The following CDH18 variants were observed in gnomAD, a reference collection of about 807,000 sequenced individuals.
CDH18 encodes the protein cadherin 18.
CDH18 carries 31 observed loss-of-function variants against 67.9 expected under a neutral mutation model. That is an observed-to-expected ratio of 0.46 (90% CI 0.34 to 0.62). The LOEUF is 0.62. Ranked by LOEUF, CDH18 falls within the 20% of genes least tolerant of loss-of-function variation. The probability of loss-of-function intolerance (pLI) is 0.01; values close to 1 mark genes in which losing one functional copy is unlikely to be tolerated. For synonymous variants in CDH18, 362 were observed against 347.2 expected, an observed-to-expected ratio of 1.04 and a Z score of -0.48; for missense variants, 890 against 975.5, an observed-to-expected ratio of 0.91 and a Z score of 1.17.
intron 1 of CDH18, among the ~76,000 whole-genome samples, chr5:20,336,537 G>A (rs1368543731): frequency 3.3e-5 from 5 of 151,706 alleles, no homozygotes; most frequent in Non-Finnish European, 5.9e-5. Context: ...CCTGGCTAAT[G>A]TGTTGAAACC....
intron 2 of CDH18, among the ~76,000 whole-genome samples, chr5:20,156,732 A>G (rs754006188): frequency 4.6e-5 from 7 of 152,118 alleles, no homozygotes; most frequent in Non-Finnish European, 8.8e-5. Context: ...GAACAACAAA[A>G]GGAGGGAGGA....
intron 1 of CDH18, among the ~76,000 whole-genome samples, chr5:20,318,273 A>C (rs1737654595): frequency 6.6e-6 from 1 of 152,150 alleles, no homozygotes; most frequent in East Asian, 1.9e-4. Flanking sequence ...TACTCTACCA[A>C]AGTGGGAGTT....
intron 1 of CDH18, among the ~76,000 whole-genome samples, chr5:20,413,395 C>T (rs903225698): frequency 2.0e-5 from 3 of 152,172 alleles, no homozygotes; most frequent in Non-Finnish European, 4.4e-5. Context: ...ACACTGTCTT[C>T]CACAATGGTT....
At chr5:19,550,370 G>A (rs780480726) in intron 8 of CDH18, among the ~76,000 whole-genome samples, 4 of 151,806 alleles carry the variant, frequency 2.6e-5, no homozygotes, top group Non-Finnish European at 4.4e-5. Flanking sequence ...CCATTAACTC[G>A]TCATTTAGCA....
intron 1 of CDH18, among the ~76,000 whole-genome samples, chr5:20,475,142 G>T (rs1263994296): frequency 1.3e-5 from 2 of 152,010 alleles, no homozygotes; most frequent in Non-Finnish European, 2.9e-5. Flanking sequence ...AATTCAGTAT[G>T]ACTGCACATT....
At chr5:19,780,567 A>C (rs2149780233) in intron 3 of CDH18, among the ~76,000 whole-genome samples, 1 of 152,258 alleles carries the variant, frequency 6.6e-6, no homozygotes, top group African/African-American at 2.4e-5. Context: ...CTGCTTCTAG[A>C]CACTTTTGTT....
At chr5:20,202,033 T>C (rs1282451114) in intron 2 of CDH18, among the ~76,000 whole-genome samples, 3 of 152,120 alleles carry the variant, frequency 2.0e-5, no homozygotes, top group South Asian at 2.1e-4. Flanking sequence ...TCTCAGAGCA[T>C]TGGGTATTAA....
chr5:20,141,421 G>A (rs1170292011), intron 2 of CDH18, among the ~76,000 whole-genome samples: 4 of 152,086 alleles, frequency 2.6e-5, no homozygotes, highest in African/African-American at 4.8e-5. Flanking sequence ...GATATGAACT[G>A]CTGTATGAAA....
intron 2 of CDH18, among the ~76,000 whole-genome samples, chr5:20,163,110 T>C (rs1437182634): frequency 1.3e-5 from 2 of 152,012 alleles, no homozygotes; most frequent in Non-Finnish European, 2.9e-5. Flanking sequence ...AGAGCCTTTA[T>C]TTAGAATCAA....
chr5:20,502,623 A>T (rs1337843876), intron 1 of CDH18, among the ~76,000 whole-genome samples: 1 of 152,212 alleles, frequency 6.6e-6, no homozygotes, highest in Non-Finnish European at 1.5e-5. Flanking sequence ...TCATTCAAGC[A>T]TTGGTAGAAA....
intron 1 of CDH18, among the ~76,000 whole-genome samples, chr5:20,506,836 A>G (rs187849678): frequency 3.9e-5 from 6 of 152,026 alleles, no homozygotes; most frequent in Admixed American, 3.9e-4. Flanking sequence ...TTATTCCTTT[A>G]TTTCCTTTAT....
At chr5:19,538,539 T>G (rs948364817) in intron 9 of CDH18, among the ~76,000 whole-genome samples, 3 of 152,186 alleles carry the variant, frequency 2.0e-5, no homozygotes, top group Non-Finnish European at 4.4e-5. Context: ...TAAGAGTTAA[T>G]TTACTTCACA....
At chr5:20,510,332 A>G (rs1754953913) in intron 1 of CDH18, among the ~76,000 whole-genome samples, 1 of 152,062 alleles carries the variant, frequency 6.6e-6, no homozygotes, top group Non-Finnish European at 1.5e-5. Context: ...ACTTTTTTCT[A>G]GTCTGTGAGG....
chr5:20,076,144 A>T (rs6863098), intron 2 of CDH18, among the ~76,000 whole-genome samples: 149,827 of 152,232 alleles, frequency 0.98, 73,784 homozygotes, highest in Middle Eastern at 1. Flanking sequence ...AACATGAACA[A>T]AATTTATTTT....
chr5:20,375,648 T>G (rs1246087230), intron 1 of CDH18, among the ~76,000 whole-genome samples: 1 of 152,182 alleles, frequency 6.6e-6, no homozygotes, highest in Non-Finnish European at 1.5e-5. Flanking sequence ...TCAATTCATT[T>G]TTTTTAGGGC....
intron 7 of CDH18, among the ~76,000 whole-genome samples, chr5:19,573,667 C>A (rs996973633): frequency 2.0e-5 from 3 of 152,062 alleles, no homozygotes; most frequent in Non-Finnish European, 4.4e-5. Context: ...TGAGAATTTG[C>A]CTATGACTAA....
chr5:19,926,330 C>T (rs1417290072), intron 2 of CDH18, among the ~76,000 whole-genome samples: 3 of 152,102 alleles, frequency 2.0e-5, no homozygotes, highest in Non-Finnish European at 1.5e-5. Flanking sequence ...TTTATAACAA[C>T]TTTTAACACA....
At chr5:19,910,271 C>T (rs894024607) in intron 2 of CDH18, among the ~76,000 whole-genome samples, 2 of 152,084 alleles carry the variant, frequency 1.3e-5, no homozygotes, top group Admixed American at 6.6e-5. Flanking sequence ...GTCAGCAACA[C>T]CACAATCATT....
intron 4 of CDH18, among the ~76,000 whole-genome samples, chr5:19,746,471 T>C (rs1001203957): frequency 6.6e-6 from 1 of 152,236 alleles, no homozygotes; most frequent in African/African-American, 2.4e-5. Flanking sequence ...AAAAGTTGTA[T>C]TGATTAATGT....
Sources: gnomAD v4.1 joint callset for allele counts (sites outside exome capture counted in the v4.1 genomes callset) on GRCh38, gnomAD v4.1.1 for gene constraint, MANE v1.5 for transcripts, NCBI Gene and HGNC (gene_info 2026-07-23, HGNC 2026-07-21) for gene names.